The following DNAH5 variants were observed in gnomAD, a reference collection of about 807,000 sequenced individuals.
The protein encoded by DNAH5 is axonemal beta dynein heavy chain 5.
In DNAH5, 372 loss-of-function variants were observed where a neutral mutation model predicts 518.2. The ratio of observed to expected loss-of-function variants is 0.72; its 90% CI spans 0.66 to 0.78. The LOEUF is 0.78. Among genes scored for constraint, DNAH5 ranks in the 30% least tolerant of loss-of-function variants. The pLI is 0.00. For missense variants in DNAH5, 5,523 were observed against 5,687.0 expected (o/e 0.97, Z 0.93); for synonymous variants, 2,039 against 2,025.9 (o/e 1.01, Z -0.17).
Position 13,870,508 on chromosome 5 carries a change from G to A in DNAH5, c.3834+259C>T, listed in dbSNP as rs11741197. On this transcript the variant is annotated intron_variant, in intron 24 of 78. Transcript: ENST00000265104. ...CTGATTCCCTCGCCCCTCTTCTTTG[G>A]TGAGCACTCACCAATAAATCATTTG... is the stretch of plus-strand genomic sequence containing the variant. Among the ~76,000 whole-genome samples, 59,400 of 151,996 alleles carry A rather than the reference G, an allele frequency of 0.39. 12,016 individuals are homozygous for A. Among genetic ancestry groups the A allele is most frequent in the South Asian group, 0.46 (2,239 of 4,818 alleles).
chr5:14,005,175 C>T (rs1009725373), intron 1 of DNAH5, among the ~76,000 whole-genome samples: 2 of 152,202 alleles, frequency 1.3e-5, no homozygotes, highest in Admixed American at 6.5e-5. Flanking sequence ...AGCCTCCTCC[C>T]CTTTGCCACA....
chr5:13,705,277 G>T (rs1742640094), intron 76 of DNAH5, among the ~76,000 whole-genome samples: 1 of 152,174 alleles, frequency 6.6e-6, no homozygotes, highest in African/African-American at 2.4e-5. Flanking sequence ...ACAGGCATGA[G>T]CCACTGCGCC....
In DNAH5 at chr5:13,871,696, T is replaced by C. The variant is rs1271908621; in HGVS notation, c.3466A>G (p.Ile1156Val). ...GGGCTCTGTGTAATAAATGTCTTAA[T>C]GGCTTCTTCTTTTCCCTTTTGCCAA... ...HIWQKGKEEA[I>V]KTFITQSPLL... Residue 1156 changes from isoleucine (I) to valine (V), a missense_variant, in exon 23 of 79, where the codon ATT becomes GTT. Transcript: ENST00000265104. 3.1e-6 allele frequency: 5 copies of C among 1,613,714 alleles called. No homozygotes were observed. The highest frequency in any genetic ancestry group is 2.2e-5 in the East Asian group (1 of 44,886).
intron 71 of DNAH5, among the ~76,000 whole-genome samples, chr5:13,719,685 G>A (rs1744779115): frequency 1.3e-5 from 2 of 152,140 alleles, no homozygotes; most frequent in African/African-American, 2.4e-5. Flanking sequence ...GAGGATACCA[G>A]CACATTGAGG....
At chr5:13,866,072 T>C (rs1268324196) in intron 26 of DNAH5, 148 bp downstream of exon 26, 3 of 890,550 alleles carry the variant, frequency 3.4e-6, no homozygotes, top group East Asian at 2.6e-5. Context: ...CTACTTCTAA[T>C]TGTAATCCTA....
intron 1 of DNAH5, among the ~76,000 whole-genome samples, chr5:13,978,705 A>AG (rs1207273646): frequency 2.0e-5 from 3 of 152,192 alleles, no homozygotes; most frequent in African/African-American, 7.2e-5. Context: ...TTTGTAGCCT[A>AG]GGGGCAATAG....
chr5:13,947,814 T>C (rs527885634), upstream of DNAH5, among the ~76,000 whole-genome samples: 3 of 152,306 alleles, frequency 2.0e-5, no homozygotes, highest in South Asian at 2.1e-4. Context: ...AACTACAGCA[T>C]ATAAAAATGG....
chr5:13,898,157 C>T (rs1382916145), intron 15 of DNAH5: 1 of 157,914 alleles, frequency 6.3e-6, no homozygotes, highest in Non-Finnish European at 1.4e-5. Flanking sequence ...CCTTTGTCAA[C>T]AATACATGGA....
chr5:13,902,233 A>G, intron 12 of DNAH5, 95 bp from the exon 13 acceptor site: 2 of 870,032 alleles, frequency 2.3e-6, no homozygotes, highest in South Asian at 1.5e-5. Context: ...GCAAACACAT[A>G]TAACATGGAA....
Position 13,691,911 on chromosome 5 carries a change from A to G in DNAH5, c.*73T>C, listed in dbSNP as rs1203036313. 1 of 1,590,180 alleles carries G rather than the reference A, an allele frequency of 6.3e-7. No homozygotes were observed. The highest frequency in any genetic ancestry group is 8.6e-7 in the Non-Finnish European group (1 of 1,159,088). ...ACCTAACATACACTGTCCAGCAGTC[A>G]TACAGAAATAAAGGTTACAATAATT... On this transcript the variant is annotated 3_prime_UTR_variant, in exon 79 of 79. Transcript: ENST00000265104.
rs746715378 is a variant in DNAH5 at position 13,721,154 on chromosome 5, C to T, written c.12125G>A (p.Arg4042Gln). The change falls in exon 71 of 79, where the codon CGG becomes CAG. Residue 4042 changes from arginine (R) to glutamine (Q), a missense_variant. Transcript: ENST00000265104. ...AGACAGGAGACAGATGAGTGGCGTC[C>T]GTGGATCAGATTCCTCCCACGTCTT... ...LEKTWEESDP[R>Q]TPLICLLSMG... The T allele has an allele frequency of 9.9e-6, 16 of 1,613,926 alleles. No homozygotes were observed. Among genetic ancestry groups the T allele is most frequent in the East Asian group, 2.2e-5 (1 of 44,882 alleles).
chr5:13,771,111 T>A (rs542749164), intron 55 of DNAH5, 131 bp from the exon 56 acceptor site: 1 of 774,462 alleles, frequency 1.3e-6, no homozygotes, highest in Non-Finnish European at 2.1e-6. Context: ...GCTAGGTAGA[T>A]CTGTGTCAGC....
At chr5:13,951,299 C>T (rs1290085387) in intron 1 of DNAH5, among the ~76,000 whole-genome samples, 1 of 138,726 alleles carries the variant, frequency 7.2e-6, no homozygotes, top group East Asian at 2.3e-4. Flanking sequence ...TCACTGCAGC[C>T]TCAACTTCTT....
In DNAH5 at chr5:13,693,703, C is replaced by T. The variant is rs10037019; in HGVS notation, c.13724-1568G>A. On this transcript the variant is annotated intron_variant, in intron 78 of 78. Transcript: ENST00000265104. ...ACAGGACAGCTCCCCCAAAACAAAG[C>T]GTTACCCAGACCAAATATGTCAATA... Among the ~76,000 whole-genome samples, 42 of 152,260 alleles carry T rather than the reference C, an allele frequency of 2.8e-4. 1 individual carries two copies. Among genetic ancestry groups the T allele is most frequent in the African/African-American group, 8.7e-4 (36 of 41,554 alleles).
chr5:13,887,630 G>A (rs1441286593), intron 17 of DNAH5, among the ~76,000 whole-genome samples: 1 of 152,050 alleles, frequency 6.6e-6, no homozygotes, highest in Non-Finnish European at 1.5e-5. Context: ...TTTAGCTTTG[G>A]CAAACCAGGA....
At chr5:13,765,807 C>A (rs1379222979) in intron 59 of DNAH5, among the ~76,000 whole-genome samples, 169 bp downstream of exon 59, 2 of 152,046 alleles carry the variant, frequency 1.3e-5, no homozygotes, top group African/African-American at 4.8e-5. Context: ...TAAAATCTGT[C>A]AGGAAAAACT....
intron 1 of DNAH5, among the ~76,000 whole-genome samples, chr5:13,997,527 C>T (rs538160354): frequency 2.0e-5 from 3 of 152,310 alleles, no homozygotes; most frequent in Admixed American, 2.0e-4. Flanking sequence ...ACCCCCTCTA[C>T]CAACATTCTG....
At chr5:13,751,442 AAAG>A (rs1342370362) in intron 64 of DNAH5, among the ~76,000 whole-genome samples, 182 bp from the exon 65 acceptor site, 2 of 152,294 alleles carry the variant, frequency 1.3e-5, no homozygotes, top group East Asian at 3.9e-4. Context: ...GAAAGGAAGC[AAAG>A]AAGGATGGGA....
chr5:14,008,200 A>G (rs1300908223), intron 1 of DNAH5, among the ~76,000 whole-genome samples: 5 of 142,314 alleles, frequency 3.5e-5, no homozygotes, highest in African/African-American at 7.9e-5. Context: ...AGAAAGAAAG[A>G]AAAAAGAAAA....
Sources: gnomAD v4.1 joint callset for allele counts (sites outside exome capture counted in the v4.1 genomes callset) on GRCh38, gnomAD v4.1.1 for gene constraint, MANE v1.5 for transcripts, NCBI Gene and HGNC (gene_info 2026-07-23, HGNC 2026-07-21) for gene names.